Variants in PDZD2 observed in about 807,000 individuals in gnomAD.
PDZD2 encodes the protein PDZ domain containing 2, also known as PDZ domain-containing protein 2.
In PDZD2, 90 loss-of-function variants were observed where a neutral mutation model predicts 220.7. The observed-to-expected ratio is 0.41, with a 90% CI of 0.34 to 0.49. The LOEUF (loss-of-function observed/expected upper bound fraction) is 0.49. Ranked by LOEUF, PDZD2 falls within the 20% of genes least tolerant of loss-of-function variation. The probability of loss-of-function intolerance (pLI) is 0.28; values close to 1 mark genes in which losing one functional copy is unlikely to be tolerated. For missense variants in PDZD2, 3,174 were observed against 3,608.5 expected (o/e 0.88, Z 3.08); for synonymous variants, 1,375 against 1,450.5 (o/e 0.95, Z 1.18).
intron 2 of PDZD2, among the ~76,000 whole-genome samples, chr5:31,949,823 C>A (rs1275296422): frequency 6.7e-6 from 1 of 148,360 alleles, no homozygotes; most frequent in Non-Finnish European, 1.5e-5. Flanking sequence ...CAGGCATGCG[C>A]TACCACACCA....
intron 1 of PDZD2, among the ~76,000 whole-genome samples, chr5:31,656,695 A>G (rs1390746570): frequency 6.6e-6 from 1 of 152,228 alleles, no homozygotes; most frequent in Non-Finnish European, 1.5e-5. Context: ...TAAAATCCCA[A>G]GGTTTCAGTA....
chr5:32,035,260 A>T (rs1755446397), intron 6 of PDZD2, among the ~76,000 whole-genome samples: 1 of 146,492 alleles, frequency 6.8e-6, no homozygotes, highest in African/African-American at 2.5e-5. Context: ...TATGTATTGA[A>T]TTTTTTTTTT....
At chr5:31,838,035 C>G (rs1757052599) in intron 2 of PDZD2, among the ~76,000 whole-genome samples, 2 of 152,152 alleles carry the variant, frequency 1.3e-5, no homozygotes, top group African/African-American at 2.4e-5. Context: ...GATCTTCAAT[C>G]TGTAAAAAAT....
intron 2 of PDZD2, among the ~76,000 whole-genome samples, chr5:31,877,132 C>T (rs1360925626): frequency 6.6e-6 from 1 of 152,154 alleles, no homozygotes; most frequent in African/African-American, 2.4e-5. Context: ...TTTAAAATTT[C>T]AGCTGTGTTA....
intron 17 of PDZD2, 142 bp downstream of exon 17, chr5:32,072,459 G>C: frequency 1.5e-6 from 1 of 672,000 alleles, no homozygotes; most frequent in Non-Finnish European, 2.4e-6. Context: ...GGCCGGGCGC[G>C]GTGGCTCACG....
intron 2 of PDZD2, among the ~76,000 whole-genome samples, chr5:31,981,549 C>A (rs996269632): frequency 2.0e-5 from 3 of 152,188 alleles, no homozygotes; most frequent in Non-Finnish European, 4.4e-5. Flanking sequence ...TCCCTGCTGA[C>A]AAGATCCCAG....
intron 2 of PDZD2, among the ~76,000 whole-genome samples, chr5:31,886,243 G>A (rs1740462433): frequency 6.6e-6 from 1 of 152,164 alleles, no homozygotes; most frequent in South Asian, 2.1e-4. Flanking sequence ...ACAGATCAGT[G>A]CATATCTTCC....
At chr5:31,730,317 C>G (rs538074207) in intron 1 of PDZD2, among the ~76,000 whole-genome samples, 1 of 152,282 alleles carries the variant, frequency 6.6e-6, no homozygotes, top group South Asian at 2.1e-4. Context: ...CCATGAGGAG[C>G]AGCTGTTAAA....
chr5:32,075,060 C>T (rs1187108057), intron 18 of PDZD2, among the ~76,000 whole-genome samples: 4 of 152,176 alleles, frequency 2.6e-5, no homozygotes, highest in African/African-American at 9.7e-5. Flanking sequence ...GATCCACCTG[C>T]CTCGGCCTCC....
chr5:32,097,646 T>C (rs550578099), intron 22 of PDZD2, among the ~76,000 whole-genome samples: 3 of 152,336 alleles, frequency 2.0e-5, no homozygotes, highest in South Asian at 2.1e-4. Flanking sequence ...TACCTCCATA[T>C]TTTAAGCAGT....
intron 1 of PDZD2, among the ~76,000 whole-genome samples, chr5:31,672,297 C>T (rs1746244955): frequency 6.6e-6 from 1 of 152,210 alleles, no homozygotes; most frequent in African/African-American, 2.4e-5. Context: ...CTGTTGCCCT[C>T]CTCGCCAAAG....
At chr5:31,734,681 T>C (rs1749741417) in intron 1 of PDZD2, among the ~76,000 whole-genome samples, 1 of 152,066 alleles carries the variant, frequency 6.6e-6, no homozygotes, top group African/African-American at 2.4e-5. Flanking sequence ...TCATTGACCA[T>C]TGGTGACCAA....
At chr5:31,882,599 A>G (rs762173709) in intron 2 of PDZD2, among the ~76,000 whole-genome samples, 1 of 152,218 alleles carries the variant, frequency 6.6e-6, no homozygotes. Context: ...CAAAGGTTAC[A>G]TTAATAAATG....
At chr5:31,704,968 C>T (rs1389436565) in intron 1 of PDZD2, among the ~76,000 whole-genome samples, 1 of 152,138 alleles carries the variant, frequency 6.6e-6, no homozygotes, top group Non-Finnish European at 1.5e-5. Flanking sequence ...CGAGACCAAC[C>T]TGGCCAACGT....
At chr5:31,879,423 T>A (rs1198243029) in intron 2 of PDZD2, among the ~76,000 whole-genome samples, 1 of 151,722 alleles carries the variant, frequency 6.6e-6, no homozygotes, top group African/African-American at 2.4e-5. Flanking sequence ...ACGTTTCTCT[T>A]CAGGTATGAC....
intron 2 of PDZD2, among the ~76,000 whole-genome samples, chr5:31,862,568 T>TC: frequency 6.8e-6 from 1 of 147,060 alleles, no homozygotes; most frequent in East Asian, 2.0e-4. Context: ...CTTTTCTTTT[T>TC]TTTTTTTTTT....
intron 1 of PDZD2, chr5:31,661,327 C>G (rs1561369119): frequency 6.6e-6 from 1 of 152,106 alleles, no homozygotes; most frequent in Non-Finnish European, 1.5e-5. Flanking sequence ...AATATGTAAG[C>G]AAATATTTAC....
chr5:31,875,650 A>G (rs1321389485), intron 2 of PDZD2, among the ~76,000 whole-genome samples: 1 of 148,148 alleles, frequency 6.8e-6, no homozygotes, highest in East Asian at 1.9e-4. Flanking sequence ...AATTTAATAT[A>G]TTTTTAAAAT....
rs190963695 is a variant in PDZD2, at chr5:32,043,771, G to A, written c.1520-4768G>A. On this transcript the variant is annotated intron_variant, in intron 7 of 24. Transcript: ENST00000438447. ...GCCTCTTGAGTAGCTGAGACTACAC[G>A]CGCAGGCTACCACGCCTGGCTAATT... 1.1e-4 allele frequency among the ~76,000 whole-genome samples: 17 copies of A among 152,206 alleles called. No homozygotes were observed. The East Asian group carries it at 1.2e-3, about 10-fold the overall frequency.
Sources: gnomAD v4.1 joint callset for allele counts (sites outside exome capture counted in the v4.1 genomes callset) on GRCh38, gnomAD v4.1.1 for gene constraint, MANE v1.5 for transcripts, NCBI Gene and HGNC (gene_info 2026-07-23, HGNC 2026-07-21) for gene names.